The following PLCXD1 variants were observed in gnomAD, a reference collection of about 807,000 sequenced individuals.
PLCXD1 encodes the protein PI-PLC X domain-containing protein 1.
PLCXD1 carries 45 observed loss-of-function variants against 37.8 expected under a neutral mutation model. That is an observed-to-expected ratio of 1.19 (90% CI 0.94 to 1.53). PLCXD1 has a LOEUF of 1.53. Among genes scored for constraint, PLCXD1 ranks in the 40% most tolerant of loss-of-function variants. The probability of loss-of-function intolerance (pLI) is 0.00; values close to 1 mark genes in which losing one functional copy is unlikely to be tolerated. For missense variants in PLCXD1, 539 were observed against 454.7 expected (o/e 1.19, Z -1.69); for synonymous variants, 246 against 206.9 (o/e 1.19, Z -1.62).
chrX:290,442 A>G (rs1206795236), intron 3 of PLCXD1, among the ~76,000 whole-genome samples: 1 of 151,762 alleles, frequency 6.6e-6, no homozygotes, highest in East Asian at 1.9e-4. Context: ...AAAAAAAAAA[A>G]AAAGGCCAGG....
chrX:289,879 G>A (rs1340897137), intron 3 of PLCXD1, among the ~76,000 whole-genome samples: 1 of 152,130 alleles, frequency 6.6e-6, no homozygotes, highest in Non-Finnish European at 1.5e-5. Context: ...TAGGACCTGA[G>A]GCGGGTCTGC....
At chrX:290,510 A>C in intron 3 of PLCXD1, 138 bp from the exon 4 acceptor site, 1 of 880,260 alleles carries the variant, frequency 1.1e-6, no homozygotes, top group East Asian at 2.6e-5. Flanking sequence ...CTCCCAGCAC[A>C]TACAAACAGC....
intron 3 of PLCXD1, among the ~76,000 whole-genome samples, chrX:289,159 C>A (rs1432051531): frequency 1.3e-5 from 2 of 152,150 alleles, no homozygotes; most frequent in East Asian, 1.9e-4. Flanking sequence ...GTGATCTCGG[C>A]TCACTGCAAC....
chrX:284,333 A>G lies in PLCXD1; in HGVS notation c.127+19A>G, dbSNP rs2069376565. On this transcript the variant is annotated intron_variant, in intron 2 of 6. Transcript: ENST00000381657. The stretch of plus-strand genomic sequence containing the variant: ...ATCCCAGGTGAGGTTGGGGTGGGGC[A>G]GGGGCCGTTGCCTCTATCCCAGGTG... 3 of 1,611,964 alleles carry G rather than the reference A, an allele frequency of 1.9e-6. No homozygotes were observed. The highest frequency in any genetic ancestry group is 1.1e-5 in the South Asian group (1 of 90,994).
chrX:288,749 G>A lies in PLCXD1; in HGVS notation c.144G>A (p.Met48Ile), dbSNP rs1422483599. The part of the protein sequence containing the change: ...HLSIPGSHDT[M>I]TYCLNKKSPI... ...TGCTCTCAGGGAGCCACGACACGAT[G>A]ACGTACTGCCTGAACAAGAAGTCCC... The change falls in exon 3 of 7, where the codon ATG becomes ATA. Residue 48 changes from methionine to isoleucine, a missense_variant. Transcript: ENST00000381657. 2 of 1,613,806 alleles carry A rather than the reference G, an allele frequency of 1.2e-6. No homozygotes were observed. The highest frequency in any genetic ancestry group is 3.3e-5 in the Admixed American group (2 of 59,998).
rs1371634371 is a variant in PLCXD1, at chrX:301,396, A to C, written c.*2061A>C. The C allele has an allele frequency of 6.6e-6, 1 of 151,772 alleles. No homozygotes were observed. Among genetic ancestry groups the C allele is most frequent in the East Asian group, 1.9e-4 (1 of 5,138 alleles). The allele number at this position is 151,772 out of a possible 1,614,324, so 9.4% of individuals were successfully genotyped here. A position where few individuals can be genotyped will look rare whatever the true frequency, so the allele number is the denominator to read the frequency against. ...TGGGCTCAACTGATCCTCCCACCTC[A>C]ACCTCTGCCATAGCCAGGACCTCAG... On this transcript the variant is annotated 3_prime_UTR_variant, in exon 7 of 7. Coordinates refer to ENST00000381657, the MANE Select transcript of PLCXD1 (RefSeq NM_018390.4).
At chrX:298,876 A>T (rs779680101) in intron 6 of PLCXD1, among the ~76,000 whole-genome samples, 1 of 150,808 alleles carries the variant, frequency 6.6e-6, no homozygotes, top group African/African-American at 2.5e-5. Flanking sequence ...ATCTTTGGGG[A>T]CATTATTCTG....
At chrX:299,073 C>T (rs769032006) in intron 6 of PLCXD1, 24 bp from the exon 7 acceptor site, 1 of 1,574,566 alleles carries the variant, frequency 6.4e-7, no homozygotes, top group Non-Finnish European at 8.7e-7. Flanking sequence ...ACCGTGTAAC[C>T]TCTCCCCACC....
intron 6 of PLCXD1, among the ~76,000 whole-genome samples, chrX:295,457 A>G (rs1569564674): frequency 6.6e-6 from 1 of 151,980 alleles, no homozygotes. Flanking sequence ...GGGCCGGGCA[A>G]AGGAGCAGGT....
chrX:279,792 GA>G, upstream of PLCXD1, among the ~76,000 whole-genome samples: 1 of 151,058 alleles, frequency 6.6e-6, no homozygotes, highest in East Asian at 1.9e-4. Context: ...AAAAAAAGAA[GA>G]AAAAAAGAGT....
At chrX:279,582 G>A (rs974393554), upstream of PLCXD1, among the ~76,000 whole-genome samples, 7 of 152,108 alleles carry the variant, frequency 4.6e-5, no homozygotes, top group Non-Finnish European at 1.0e-4. Context: ...GACCAGCCTG[G>A]CCAACATGGT....
At chrX:285,250 A>G (rs1180639933) in intron 2 of PLCXD1, among the ~76,000 whole-genome samples, 1 of 152,164 alleles carries the variant, frequency 6.6e-6, no homozygotes, top group Non-Finnish European at 1.5e-5. Flanking sequence ...GCACATACTA[A>G]TGCACACATG....
chrX:299,118 T>C lies in PLCXD1; in HGVS notation c.755T>C (p.Ile252Thr), dbSNP rs1472987711. The C allele has an allele frequency of 1.2e-6, 2 of 1,613,820 alleles. No individual in the cohort carries two copies. The highest frequency in any genetic ancestry group is 1.7e-6 in the Non-Finnish European group (2 of 1,179,754). The stretch of plus-strand genomic sequence containing the variant: ...GCAGGAGGGTTGTTCGTGGCCGGCA[T>C]CAACCTCACGGAGAACCTGCAGTAC... ...GRPGGLFVAG[I>T]NLTENLQYVL... Residue 252 changes from isoleucine to threonine, a missense_variant, in exon 7 of 7, where the codon ATC becomes ACC. Ile to Thr is a moderately conservative substitution (Grantham distance 89). Coordinates refer to ENST00000381657, the MANE Select transcript of PLCXD1 (RefSeq NM_018390.4).
rs2070042073 is a variant in PLCXD1 at position 302,311 on chromosome X, C to T, written c.*2976C>T. On this transcript the variant is annotated 3_prime_UTR_variant, in exon 7 of 7. Coordinates refer to ENST00000381657, the MANE Select transcript of PLCXD1 (RefSeq NM_018390.4). ...AGGCGCCCCCAGTCCGTGTGGGAGACTCGCACACCGGTTTTCTGCACAGGT... is the reference window on the plus strand; with the variant it reads ...AGGCGCCCCCAGTCCGTGTGGGAGATTCGCACACCGGTTTTCTGCACAGGT... 1 of 152,162 alleles carries T rather than the reference C, an allele frequency of 6.6e-6. No individual in the cohort carries two copies. Among genetic ancestry groups the T allele is most frequent in the African/African-American group, 2.4e-5 (1 of 41,422 alleles). The allele number at this position is 152,162 out of a possible 1,614,324, so 9.4% of individuals were successfully genotyped here.
chrX:293,530 C>T (rs1458442216), intron 6 of PLCXD1, among the ~76,000 whole-genome samples: 3 of 152,050 alleles, frequency 2.0e-5, no homozygotes, highest in Non-Finnish European at 2.9e-5. Context: ...GAGGCTGAGG[C>T]GGGCAGATCA....
intron 5 of PLCXD1, 111 bp from the exon 6 acceptor site, chrX:292,924 T>G: frequency 1.5e-6 from 1 of 682,016 alleles, no homozygotes; most frequent in Non-Finnish European, 2.4e-6. Context: ...GAATTTCATT[T>G]TTGGTTTATA....
At chrX:290,606 G>A (rs372253521) in intron 3 of PLCXD1, 42 bp from the exon 4 acceptor site, 13 of 1,609,550 alleles carry the variant, frequency 8.1e-6, no homozygotes, top group Middle Eastern at 1.8e-4. Flanking sequence ...CCCCAGACGC[G>A]GCGCTCAGCC....
intron 1 of PLCXD1, chrX:283,421 C>T (rs2069337919): frequency 6.6e-6 from 1 of 152,218 alleles, no homozygotes; most frequent in South Asian, 2.1e-4. Context: ...ATTGGTCTGA[C>T]CAGGCCTGTC....
chrX:282,328 G>A lies in PLCXD1; in HGVS notation c.-22+644G>A, dbSNP rs2069296680. Among the ~76,000 whole-genome samples, 3 of 150,384 alleles carry A rather than the reference G, an allele frequency of 2.0e-5. No individual in the cohort carries two copies. In the South Asian group the frequency reaches 6.3e-4, roughly 32 times the overall value. On this transcript the variant is annotated intron_variant, in intron 1 of 6. Transcript: ENST00000381657. ...ACCTGGGAGGCGGAGGTTGCAGTGA[G>A]CCGAGATTGCATCATTGCACTCCAG...
Sources: gnomAD v4.1 joint callset for allele counts (sites outside exome capture counted in the v4.1 genomes callset) on GRCh38, gnomAD v4.1.1 for gene constraint, MANE v1.5 for transcripts, NCBI Gene and HGNC (gene_info 2026-07-23, HGNC 2026-07-21) for gene names.